Variants in SLC4A10 observed in about 807,000 individuals in gnomAD.
SLC4A10 encodes the protein solute carrier family 4 member 10.
SLC4A10 carries 42 observed loss-of-function variants against 137.7 expected under a neutral mutation model. The ratio of observed to expected loss-of-function variants is 0.30; its 90% confidence interval spans 0.24 to 0.39. The LOEUF (loss-of-function observed/expected upper bound fraction) is 0.39. Ranked by LOEUF, SLC4A10 falls within the 10% of genes least tolerant of loss-of-function variation. The pLI, the probability that SLC4A10 is intolerant of heterozygous loss-of-function variation, is 1.00. For synonymous variants in SLC4A10, 474 were observed against 464.1 expected, an observed-to-expected ratio of 1.02 and a Z score of -0.27; for missense variants, 925 against 1,355.0, an observed-to-expected ratio of 0.68 and a Z score of 4.98.
intron 1 of SLC4A10, among the ~76,000 whole-genome samples, chr2:161,759,056 T>C (rs954567449): frequency 2.0e-5 from 3 of 152,012 alleles, no homozygotes; most frequent in Admixed American, 6.6e-5. Context: ...CAGCATTTCA[T>C]CTTCCACCTT....
chr2:161,926,095 C>G (rs1689023456), intron 15 of SLC4A10, among the ~76,000 whole-genome samples: 1 of 151,970 alleles, frequency 6.6e-6, no homozygotes, highest in African/African-American at 2.4e-5. Context: ...GAGTTCAATT[C>G]CTGGGTATCC....
intron 1 of SLC4A10, among the ~76,000 whole-genome samples, chr2:161,637,945 AT>A (rs1470650449): frequency 1.3e-5 from 2 of 152,118 alleles, no homozygotes; most frequent in African/African-American, 4.8e-5. Context: ...CCATTTTTAA[AT>A]TAGGTGATTT....
intron 1 of SLC4A10, among the ~76,000 whole-genome samples, chr2:161,640,617 C>CTTCA (rs1322415712): frequency 1.1e-4 from 15 of 138,300 alleles, no homozygotes; most frequent in African/African-American, 3.9e-4. Flanking sequence ...TCCTTCCTTC[C>CTTCA]TTCCTTCCTT....
chr2:161,950,599 G>A (rs979758665), intron 18 of SLC4A10, 88 bp from the exon 19 acceptor site: 3 of 1,253,400 alleles, frequency 2.4e-6, no homozygotes, highest in African/African-American at 3.1e-5. Flanking sequence ...TTATAATTAG[G>A]GCTTTCCTAG....
chr2:161,960,719 C>CA (rs1192160611), intron 21 of SLC4A10, among the ~76,000 whole-genome samples: 19 of 115,624 alleles, frequency 1.6e-4, no homozygotes, highest in African/African-American at 5.3e-4. Context: ...TACTCTGTCT[C>CA]AAAAAAAAAG....
intron 1 of SLC4A10, among the ~76,000 whole-genome samples, chr2:161,762,249 C>T (rs2050323114): frequency 1.3e-5 from 2 of 151,882 alleles, no homozygotes. Context: ...TAGTCTATGT[C>T]ATAGAATAAA....
chr2:161,972,801 A>G (rs1356526342), intron 23 of SLC4A10, among the ~76,000 whole-genome samples: 3 of 152,240 alleles, frequency 2.0e-5, no homozygotes, highest in African/African-American at 7.2e-5. Context: ...GCACCACAGC[A>G]GAAGTCCCAG....
intron 1 of SLC4A10, among the ~76,000 whole-genome samples, chr2:161,748,256 G>A (rs1254153034): frequency 6.6e-6 from 1 of 151,934 alleles, no homozygotes; most frequent in African/African-American, 2.4e-5. Flanking sequence ...TTCCTTTGCT[G>A]TGCAGAAACT....
intron 8 of SLC4A10, among the ~76,000 whole-genome samples, chr2:161,878,182 T>A (rs893957113): frequency 5.3e-5 from 8 of 152,158 alleles, no homozygotes; most frequent in African/African-American, 1.4e-4. Flanking sequence ...ATTCTCACTT[T>A]GATCTTTGGC....
intron 14 of SLC4A10, among the ~76,000 whole-genome samples, chr2:161,905,243 T>C (rs1684075544): frequency 6.6e-6 from 1 of 152,016 alleles, no homozygotes; most frequent in Non-Finnish European, 1.5e-5. Context: ...ACAAAGAGGG[T>C]TGAGGGGATG....
At chr2:161,770,246 C>A (rs1012531545) in intron 1 of SLC4A10, among the ~76,000 whole-genome samples, 23 of 151,752 alleles carry the variant, frequency 1.5e-4, no homozygotes, top group Non-Finnish European at 2.9e-4. Context: ...TCTATTCCTG[C>A]ATTGTCAAAA....
intron 15 of SLC4A10, among the ~76,000 whole-genome samples, chr2:161,929,081 C>G (rs1689825499): frequency 6.6e-6 from 1 of 152,000 alleles, no homozygotes; most frequent in African/African-American, 2.4e-5. Flanking sequence ...AGTACTGGCC[C>G]TTTTATTTCT....
chr2:161,627,567 G>T (rs2032664466), intron 1 of SLC4A10, among the ~76,000 whole-genome samples: 1 of 152,140 alleles, frequency 6.6e-6, no homozygotes, highest in South Asian at 2.1e-4. Flanking sequence ...CCTCCATTTA[G>T]TATAGTATAT....
intron 1 of SLC4A10, among the ~76,000 whole-genome samples, chr2:161,763,539 C>G (rs1206940259): frequency 1.3e-5 from 2 of 152,084 alleles, no homozygotes; most frequent in African/African-American, 2.4e-5. Context: ...AGTACTACCC[C>G]TAGGCCTAAA....
chr2:161,895,412 C>T (rs1452092731), intron 11 of SLC4A10, among the ~76,000 whole-genome samples: 3 of 152,008 alleles, frequency 2.0e-5, no homozygotes, highest in African/African-American at 7.3e-5. Context: ...ATTTATAGTC[C>T]TTTGGGTATA....
chr2:161,977,182 C>T lies in SLC4A10; in HGVS notation c.3344+306C>T, dbSNP rs1699515719. ...TCATCACCCACTTCCCCCAGGACCC[C>T]TTTAGACATCTGGCCACATTTTGCA... is the stretch of plus-strand genomic sequence containing the variant. On this transcript the variant is annotated intron_variant, in intron 25 of 26. Coordinates refer to ENST00000446997, the MANE Select transcript of SLC4A10 (RefSeq NM_001178015.2). 2.4e-5 allele frequency: 7 copies of T among 291,074 alleles called. 1 individual carries two copies. In the South Asian group the frequency reaches 3.4e-4, roughly 14 times the overall value. The allele number at this position is 291,074 out of a possible 1,614,324, so 18.0% of individuals were successfully genotyped here. A position where few individuals can be genotyped will look rare whatever the true frequency, so the allele number is the denominator to read the frequency against.
chr2:161,830,378 C>T (rs1442883471), intron 3 of SLC4A10, among the ~76,000 whole-genome samples: 2 of 151,880 alleles, frequency 1.3e-5, no homozygotes, highest in Non-Finnish European at 2.9e-5. Flanking sequence ...ATTTTCATAA[C>T]ATGCCAGTGT....
intron 1 of SLC4A10, among the ~76,000 whole-genome samples, chr2:161,717,842 G>A (rs894129213): frequency 3.9e-5 from 6 of 152,246 alleles, no homozygotes; most frequent in South Asian, 2.1e-4. Flanking sequence ...CTTTCCAATT[G>A]TTTGGAATAG....
At chr2:161,960,852 C>T (rs1386963179) in intron 21 of SLC4A10, among the ~76,000 whole-genome samples, 1 of 152,112 alleles carries the variant, frequency 6.6e-6, no homozygotes, top group Non-Finnish European at 1.5e-5. Flanking sequence ...GGGAGTGTGG[C>T]CCTGGCAATA....
Sources: gnomAD v4.1 joint callset for allele counts (sites outside exome capture counted in the v4.1 genomes callset) on GRCh38, gnomAD v4.1.1 for gene constraint, MANE v1.5 for transcripts, NCBI Gene and HGNC (gene_info 2026-07-23, HGNC 2026-07-21) for gene names.